FILIP1: variants seen among roughly 807,000 people sequenced by gnomAD.
The protein encoded by FILIP1 is filamin A interacting protein 1.
FILIP1 carries 61 observed loss-of-function variants against 102.1 expected under a neutral mutation model. That is an observed-to-expected ratio of 0.60 (90% CI 0.49 to 0.74). FILIP1 has a LOEUF of 0.74. Among genes scored for constraint, FILIP1 ranks in the 30% least tolerant of loss-of-function variants. The pLI is 0.00. For missense variants in FILIP1, 1,314 were observed against 1,441.2 expected (o/e 0.91, Z 1.43); for synonymous variants, 491 against 526.9 (o/e 0.93, Z 0.93).
intron 1 of FILIP1, among the ~76,000 whole-genome samples, chr6:75,486,611 G>A (rs995743136): frequency 3.9e-4 from 60 of 152,090 alleles, no homozygotes; most frequent in African/African-American, 1.3e-3. Flanking sequence ...TGAAACTATC[G>A]AATAGATAAG....
chr6:75,467,021 T>G (rs1041667124), intron 1 of FILIP1, among the ~76,000 whole-genome samples: 1 of 152,156 alleles, frequency 6.6e-6, no homozygotes, highest in Non-Finnish European at 1.5e-5. Context: ...TCCTTTTAAC[T>G]CTCTTTTCTC....
intron 2 of FILIP1, among the ~76,000 whole-genome samples, chr6:75,390,565 G>A (rs889010273): frequency 7.9e-5 from 12 of 151,938 alleles, no homozygotes; most frequent in Non-Finnish European, 1.3e-4. Context: ...AGAGCAAGGC[G>A]AGAGGTACCC....
chr6:75,323,211 T>C (rs552806642), intron 4 of FILIP1, among the ~76,000 whole-genome samples: 1 of 152,298 alleles, frequency 6.6e-6, no homozygotes, highest in South Asian at 2.1e-4. Context: ...AGTGGCATAG[T>C]AGTTCCATTC....
At position 75,316,647 on chromosome 6, in the gene FILIP1, A is replaced by G. The variant is rs1773458862; in HGVS notation, c.630-1445T>C. The stretch of plus-strand genomic sequence containing the variant: ...GATCATGTCGTTAAGATTTTTTCAT[A>G]GAATTTACTTTTATAAAGCATGATT... On this transcript the variant is annotated intron_variant, in intron 4 of 5. Transcript: ENST00000237172. Among the ~76,000 whole-genome samples, 2 of 152,188 alleles carry G rather than the reference A, an allele frequency of 1.3e-5. 1 individual carries two copies. Among genetic ancestry groups the G allele is most frequent in the African/African-American group, 4.8e-5 (2 of 41,456 alleles).
intron 2 of FILIP1, among the ~76,000 whole-genome samples, chr6:75,408,213 C>T (rs1776938714): frequency 6.6e-6 from 1 of 152,180 alleles, no homozygotes; most frequent in African/African-American, 2.4e-5. Context: ...GAAACCATCC[C>T]AGCTACTTCA....
At chr6:75,402,074 T>C (rs1776677301) in intron 2 of FILIP1, among the ~76,000 whole-genome samples, 1 of 152,158 alleles carries the variant, frequency 6.6e-6, no homozygotes, top group Admixed American at 6.6e-5. Flanking sequence ...AATAAAAGGA[T>C]TTATGAGAGA....
chr6:75,376,322 T>C (rs1365437397), intron 2 of FILIP1, among the ~76,000 whole-genome samples: 3 of 152,176 alleles, frequency 2.0e-5, no homozygotes, highest in Non-Finnish European at 4.4e-5. Context: ...GAGAGGTTAG[T>C]GTGCCTCTCT....
At chr6:75,466,703 T>C (rs143121804) in intron 1 of FILIP1, among the ~76,000 whole-genome samples, 10 of 152,348 alleles carry the variant, frequency 6.6e-5, no homozygotes, top group Non-Finnish European at 8.8e-5. Flanking sequence ...TGCTCTCCAA[T>C]AGAGTTTTCT....
intron 1 of FILIP1, among the ~76,000 whole-genome samples, chr6:75,441,968 C>T (rs1263638935): frequency 2.0e-5 from 3 of 151,470 alleles, no homozygotes; most frequent in Non-Finnish European, 4.4e-5. Flanking sequence ...GGGGTGGCTG[C>T]GGGGCGGAGA....
chr6:75,294,896 ACT>A (rs1459408083), exon 7 of FILIP1: 1 of 112,954 alleles, frequency 8.9e-6, no homozygotes, highest in African/African-American at 3.5e-5. Flanking sequence ...TTTTTTTAAG[ACT>A]CTCACTGTGT....
At chr6:75,479,220 GA>G (rs1410410260) in intron 1 of FILIP1, among the ~76,000 whole-genome samples, 1 of 152,022 alleles carries the variant, frequency 6.6e-6, no homozygotes, top group Non-Finnish European at 1.5e-5. Flanking sequence ...ATAGGAGGAA[GA>G]AAAAACAATG....
intron 1 of FILIP1, among the ~76,000 whole-genome samples, chr6:75,427,617 G>T (rs774412462): frequency 3.3e-4 from 50 of 152,024 alleles, no homozygotes; most frequent in Non-Finnish European, 6.6e-4. Context: ...CAAAACTATC[G>T]ATTGCGTCTC....
At chr6:75,418,141 T>G (rs991755292) in intron 1 of FILIP1, among the ~76,000 whole-genome samples, 1 of 152,192 alleles carries the variant, frequency 6.6e-6, no homozygotes, top group Non-Finnish European at 1.5e-5. Context: ...GAGGTTGTAG[T>G]GAGCCGAGAT....
chr6:75,457,636 C>G (rs1478276549), intron 1 of FILIP1, among the ~76,000 whole-genome samples: 2 of 152,064 alleles, frequency 1.3e-5, no homozygotes, highest in Non-Finnish European at 2.9e-5. Context: ...CTCTCTCTCT[C>G]TCTCTCTCTC....
intron 1 of FILIP1, among the ~76,000 whole-genome samples, chr6:75,435,739 G>T (rs776555658): frequency 9.2e-5 from 14 of 152,204 alleles, no homozygotes; most frequent in Non-Finnish European, 1.9e-4. Context: ...TCTGCTGAGT[G>T]ACTTTTCCCG....
exon 7 of FILIP1, chr6:75,295,888 AGTATGTGCTTG>A: frequency 7.0e-7 from 1 of 1,431,100 alleles, no homozygotes; most frequent in Non-Finnish European, 9.1e-7. Context: ...ACACACACCC[AGTATGTGCTTG>A]GTTTACCATT....
intron 4 of FILIP1, 46 bp downstream of exon 4, chr6:75,353,493 G>A (rs760553440): frequency 1.9e-6 from 3 of 1,599,864 alleles, no homozygotes; most frequent in Non-Finnish European, 2.6e-6. Flanking sequence ...AGACATGAAA[G>A]GGCTATGGGC....
intron 1 of FILIP1, among the ~76,000 whole-genome samples, chr6:75,486,247 C>T (rs1779785847): frequency 6.6e-6 from 1 of 152,170 alleles, no homozygotes; most frequent in African/African-American, 2.4e-5. Context: ...TCAAATGCTC[C>T]ATGGCATCCT....
chr6:75,373,127 TA>T (rs1775629817), intron 2 of FILIP1, among the ~76,000 whole-genome samples: 1 of 152,232 alleles, frequency 6.6e-6, no homozygotes, highest in Non-Finnish European at 1.5e-5. Flanking sequence ...TTTTGACATG[TA>T]CCATAAGATT....
Sources: gnomAD v4.1 joint callset for allele counts (sites outside exome capture counted in the v4.1 genomes callset) on GRCh38, gnomAD v4.1.1 for gene constraint, MANE v1.5 for transcripts, NCBI Gene and HGNC (gene_info 2026-07-23, HGNC 2026-07-21) for gene names.